Variants in ITPR2 observed in about 807,000 individuals in gnomAD.
ITPR2 encodes inositol 1,4,5-trisphosphate-gated calcium channel ITPR2.
In ITPR2, 207 loss-of-function variants were observed where a neutral mutation model predicts 317.1. The observed-to-expected ratio is 0.65, with a 90% CI of 0.58 to 0.73. The LOEUF is 0.73. Among genes scored for constraint, ITPR2 ranks in the 30% least tolerant of loss-of-function variants. The pLI, the probability that ITPR2 is intolerant of heterozygous loss-of-function variation, is 0.00. For synonymous variants in ITPR2, 1,156 were observed against 1,149.1 expected, an observed-to-expected ratio of 1.01 and a Z score of -0.12; for missense variants, 2,613 against 3,284.0, an observed-to-expected ratio of 0.80 and a Z score of 4.99.
intron 26 of ITPR2, among the ~76,000 whole-genome samples, chr12:26,615,601 C>T (rs1565642513): frequency 6.6e-6 from 1 of 152,090 alleles, no homozygotes; most frequent in Non-Finnish European, 1.5e-5. Context: ...TTTAACAGAG[C>T]AAACTTCTCA....
intron 2 of ITPR2, among the ~76,000 whole-genome samples, chr12:26,779,950 T>C (rs1950048100): frequency 6.6e-6 from 1 of 152,028 alleles, no homozygotes; most frequent in Non-Finnish European, 1.5e-5. Flanking sequence ...TGTGAAGACG[T>C]TTGTATCCCA....
intron 5 of ITPR2, among the ~76,000 whole-genome samples, chr12:26,720,060 A>G (rs1231512806): frequency 3.3e-5 from 5 of 152,188 alleles, no homozygotes; most frequent in Admixed American, 6.5e-5. Flanking sequence ...TTGCAGTTCA[A>G]CTGCAACCAA....
At chr12:26,371,918 T>A (rs1251884800) in intron 55 of ITPR2, among the ~76,000 whole-genome samples, 2 of 152,130 alleles carry the variant, frequency 1.3e-5, no homozygotes, top group African/African-American at 4.8e-5. Flanking sequence ...ATCGGATTTT[T>A]AAAAAAATCA....
chr12:26,381,013 A>G (rs144599882), intron 55 of ITPR2, among the ~76,000 whole-genome samples: 52 of 152,210 alleles, frequency 3.4e-4, no homozygotes, highest in African/African-American at 1.2e-3. Context: ...CTTAAGGGTG[A>G]GTTATGCTGA....
intron 21 of ITPR2, among the ~76,000 whole-genome samples, chr12:26,636,112 G>A (rs763528728): frequency 3.9e-5 from 6 of 152,120 alleles, no homozygotes; most frequent in Non-Finnish European, 7.4e-5. Flanking sequence ...TCCATGTGCC[G>A]AACCTACAGG....
chr12:26,362,043 C>T (rs772051550), intron 55 of ITPR2, among the ~76,000 whole-genome samples: 19 of 152,168 alleles, frequency 1.2e-4, no homozygotes, highest in Non-Finnish European at 2.1e-4. Context: ...GCAATAAATA[C>T]ACTTATGATG....
intron 2 of ITPR2, among the ~76,000 whole-genome samples, chr12:26,762,868 A>G (rs570703424): frequency 6.6e-6 from 1 of 152,276 alleles, no homozygotes; most frequent in East Asian, 1.9e-4. Flanking sequence ...ACAAAATTAG[A>G]AGCGATGTAG....
At chr12:26,639,693 TC>T (rs1164489941) in intron 21 of ITPR2, among the ~76,000 whole-genome samples, 1 of 147,750 alleles carries the variant, frequency 6.8e-6, no homozygotes, top group Non-Finnish European at 1.5e-5. Flanking sequence ...ATTGTTCAAT[TC>T]CCACCTATGA....
At chr12:26,673,434 A>T (rs1356064653) in intron 13 of ITPR2, among the ~76,000 whole-genome samples, 1 of 152,208 alleles carries the variant, frequency 6.6e-6, no homozygotes, top group African/African-American at 2.4e-5. Context: ...ACAGAACCAA[A>T]GACAAAAACC....
chr12:26,631,286 T>C (rs965320826), intron 22 of ITPR2, among the ~76,000 whole-genome samples: 1 of 152,232 alleles, frequency 6.6e-6, no homozygotes, highest in Non-Finnish European at 1.5e-5. Flanking sequence ...TTATCTCCTT[T>C]AAATTCTTAA....
chr12:26,826,077 G>A lies in ITPR2; in HGVS notation c.92+6613C>T, dbSNP rs142875306. On this transcript the variant is annotated intron_variant, in intron 1 of 56. Coordinates refer to ENST00000381340, the MANE Select transcript of ITPR2 (RefSeq NM_002223.4). ...TAAAAGTTAACTATAACCATTCCAA[G>A]CTTCATGTACAAACTCCCCACTGAT... 2.1e-3 allele frequency among the ~76,000 whole-genome samples: 312 copies of A among 152,160 alleles called. 1 individual carries two copies. The highest frequency in any genetic ancestry group is 7.3e-3 in the African/African-American group (303 of 41,516).
At chr12:26,568,405 T>C (rs1034462759) in intron 34 of ITPR2, among the ~76,000 whole-genome samples, 4 of 152,088 alleles carry the variant, frequency 2.6e-5, no homozygotes, top group African/African-American at 9.7e-5. Flanking sequence ...AGGCTATCTT[T>C]ATTCACAATT....
At chr12:26,551,073 G>T (rs1320907765) in intron 36 of ITPR2, among the ~76,000 whole-genome samples, 1 of 152,128 alleles carries the variant, frequency 6.6e-6, no homozygotes, top group Non-Finnish European at 1.5e-5. Context: ...TTCATTAACA[G>T]AATTTAGCTT....
intron 28 of ITPR2, among the ~76,000 whole-genome samples, chr12:26,600,409 G>A (rs370079403): frequency 2.1e-4 from 32 of 151,552 alleles, no homozygotes; most frequent in African/African-American, 5.3e-4. Context: ...TGTCCACCAC[G>A]TTTCCTCATC....
Position 26,656,558 on chromosome 12 carries a change from G to C in ITPR2, c.2193-10C>G, listed in dbSNP as rs1239950161. ...GAGGTTTAGCTGGTACCTTAAAAATGGTAAACATATTACATTATTGTCTTA... is the reference window on the plus strand; with the variant it reads ...GAGGTTTAGCTGGTACCTTAAAAATCGTAAACATATTACATTATTGTCTTA... On this transcript the variant is annotated splice_polypyrimidine_tract_variant and intron_variant, in intron 18 of 56. Coordinates refer to ENST00000381340, the MANE Select transcript of ITPR2 (RefSeq NM_002223.4). 8 of 1,613,486 alleles carry C rather than the reference G, an allele frequency of 5.0e-6. No individual in the cohort carries two copies. The highest frequency in any genetic ancestry group is 5.9e-6 in the Non-Finnish European group (7 of 1,179,702).
At chr12:26,394,778 GA>G (rs1257759383) in intron 54 of ITPR2, among the ~76,000 whole-genome samples, 3 of 152,182 alleles carry the variant, frequency 2.0e-5, no homozygotes, top group Non-Finnish European at 4.4e-5. Flanking sequence ...GGGTTAGCCT[GA>G]AAAACTAAGA....
intron 15 of ITPR2, among the ~76,000 whole-genome samples, chr12:26,661,271 T>TGGG (rs1947490826): frequency 2.0e-4 from 1 of 5,090 alleles, no homozygotes; most frequent in Non-Finnish European, 3.4e-4. Context: ...TAGGGGTGTG[T>TGGG]GTGTGGGGGG....
Position 26,768,581 on chromosome 12 carries a change from A to AT in ITPR2, c.163+21575_163+21576insA, listed in dbSNP as rs1270708383. On this transcript the variant is annotated intron_variant, in intron 2 of 56. Coordinates refer to ENST00000381340, the MANE Select transcript of ITPR2 (RefSeq NM_002223.4). The stretch of plus-strand genomic sequence containing the variant: ...GAATACAAATATATATAAAAAAAAA[A>AT]AAAAAAAAAAAAAAAACCTCCTGTT... 3.4e-5 allele frequency among the ~76,000 whole-genome samples: 5 copies of AT among 146,404 alleles called. 1 individual carries two copies. In the East Asian group the frequency reaches 9.9e-4, roughly 29 times the overall value.
chr12:26,520,542 TC>T (rs1255928090), intron 37 of ITPR2, among the ~76,000 whole-genome samples: 1 of 152,162 alleles, frequency 6.6e-6, no homozygotes, highest in Non-Finnish European at 1.5e-5. Flanking sequence ...TTGCCAGTGG[TC>T]CCCAAGGTCT....
Sources: gnomAD v4.1 joint callset for allele counts (sites outside exome capture counted in the v4.1 genomes callset) on GRCh38, gnomAD v4.1.1 for gene constraint, MANE v1.5 for transcripts, NCBI Gene and HGNC (gene_info 2026-07-23, HGNC 2026-07-21) for gene names.